The following TMC2 variants were observed in gnomAD, a reference collection of about 807,000 sequenced individuals.
TMC2 encodes transmembrane channel like 2.
TMC2 carries 102 observed loss-of-function variants against 105.9 expected under a neutral mutation model. The ratio of observed to expected loss-of-function variants is 0.96; its 90% CI spans 0.82 to 1.14. The LOEUF is 1.14. Among genes scored for constraint, TMC2 ranks in the 50% most tolerant of loss-of-function variants. The probability of loss-of-function intolerance (pLI) is 0.00; values close to 1 mark genes in which losing one functional copy is unlikely to be tolerated. For missense variants in TMC2, 1,093 were observed against 1,134.3 expected (o/e 0.96, Z 0.52); for synonymous variants, 402 against 422.8 (o/e 0.95, Z 0.60).
At chr20:2,549,263 C>T (rs1192701801) in intron 2 of TMC2, among the ~76,000 whole-genome samples, 2 of 152,050 alleles carry the variant, frequency 1.3e-5, no homozygotes, top group East Asian at 3.9e-4. Flanking sequence ...GCTGTGTTGC[C>T]CAGGATGGTC....
chr20:2,543,196 C>T (rs537854188), intron 2 of TMC2, among the ~76,000 whole-genome samples: 1 of 152,090 alleles, frequency 6.6e-6, no homozygotes, highest in Non-Finnish European at 1.5e-5. Flanking sequence ...AAGATCTTAC[C>T]ACTGCACTCC....
At chr20:2,555,869 T>C (rs772077133) in intron 2 of TMC2, among the ~76,000 whole-genome samples, 1 of 152,214 alleles carries the variant, frequency 6.6e-6, no homozygotes, top group African/African-American at 2.4e-5. Context: ...CTAATTCAAG[T>C]CCACTTTTAA....
At chr20:2,544,400 G>A (rs1303768727) in intron 2 of TMC2, among the ~76,000 whole-genome samples, 1 of 152,100 alleles carries the variant, frequency 6.6e-6, no homozygotes, top group Non-Finnish European at 1.5e-5. Context: ...AGAGTGCCCT[G>A]ACTAAACAAG....
At chr20:2,598,850 G>A (rs1016719314) in intron 10 of TMC2, among the ~76,000 whole-genome samples, 2 of 151,852 alleles carry the variant, frequency 1.3e-5, no homozygotes, top group Non-Finnish European at 2.9e-5. Context: ...GGCATGGGGG[G>A]TTCTGAAAAC....
intron 10 of TMC2, among the ~76,000 whole-genome samples, chr20:2,598,618 G>A (rs1477652169): frequency 6.6e-6 from 1 of 151,782 alleles, no homozygotes; most frequent in East Asian, 1.9e-4. Flanking sequence ...GGTTTCACCA[G>A]GCCAGTCTCA....
At chr20:2,537,145 T>C (rs188258251) in intron 1 of TMC2, 124 bp from the exon 2 acceptor site, 26 of 794,628 alleles carry the variant, frequency 3.3e-5, no homozygotes, top group African/African-American at 3.1e-4. Flanking sequence ...AGTAAAATCA[T>C]TGGAGCTGGG....
intron 2 of TMC2, among the ~76,000 whole-genome samples, chr20:2,543,903 G>T (rs1600093864): frequency 2.1e-5 from 3 of 144,212 alleles, no homozygotes; most frequent in South Asian, 4.3e-4. Context: ...CTGCATGTCA[G>T]TTTTTTTTTT....
chr20:2,639,647 T>C (rs1048945786), intron 19 of TMC2, among the ~76,000 whole-genome samples: 16 of 152,220 alleles, frequency 1.1e-4, no homozygotes, highest in Non-Finnish European at 1.9e-4. Context: ...TGCTATAGTT[T>C]ATATTCTCTG....
At chr20:2,573,780 T>C (rs1431801887) in intron 5 of TMC2, among the ~76,000 whole-genome samples, 5 of 151,702 alleles carry the variant, frequency 3.3e-5, no homozygotes, top group Admixed American at 2.6e-4. Flanking sequence ...CAGGATGGTC[T>C]CGATCTCCTG....
intron 19 of TMC2, among the ~76,000 whole-genome samples, chr20:2,637,981 T>C (rs576914718): frequency 2.6e-5 from 4 of 152,330 alleles, no homozygotes; most frequent in African/African-American, 9.6e-5. Flanking sequence ...GTCAACATTG[T>C]AGCAAAACAC....
chr20:2,594,147 ACT>A (rs2086287513), intron 8 of TMC2, among the ~76,000 whole-genome samples: 2 of 148,430 alleles, frequency 1.3e-5, no homozygotes, highest in African/African-American at 5.0e-5. Flanking sequence ...GCCATCCTTC[ACT>A]CTCAAAGTCA....
At chr20:2,608,342 A>ATTT (rs1555775780) in intron 11 of TMC2, among the ~76,000 whole-genome samples, 13 of 142,456 alleles carry the variant, frequency 9.1e-5, no homozygotes, top group African/African-American at 3.5e-4. Flanking sequence ...TATTATTATT[A>ATTT]TTTGAGATGA....
At chr20:2,603,105 A>T (rs2086363717) in intron 11 of TMC2, among the ~76,000 whole-genome samples, 1 of 152,184 alleles carries the variant, frequency 6.6e-6, no homozygotes, top group African/African-American at 2.4e-5. Flanking sequence ...ATGATGAGAC[A>T]CATGGTCCAG....
intron 6 of TMC2, 138 bp from the exon 7 acceptor site, chr20:2,579,812 T>TGG: frequency 1.7e-6 from 1 of 575,944 alleles, no homozygotes; most frequent in Non-Finnish European, 3.1e-6. Flanking sequence ...AGGTTATTTA[T>TGG]CCAGGAAAAG....
intron 5 of TMC2, among the ~76,000 whole-genome samples, chr20:2,578,029 A>G (rs2086160008): frequency 6.6e-6 from 1 of 152,022 alleles, no homozygotes; most frequent in Non-Finnish European, 1.5e-5. Flanking sequence ...CCTTTTAATA[A>G]TAGGAACCGG....
At chr20:2,565,305 C>G (rs2086055972) in intron 4 of TMC2, among the ~76,000 whole-genome samples, 1 of 152,222 alleles carries the variant, frequency 6.6e-6, no homozygotes. Flanking sequence ...TTATTGTCAC[C>G]ATTTTACTGA....
rs531330628 is a variant in TMC2, at chr20:2,643,526, A to C, written c.*2175A>C. On this transcript the variant is annotated 3_prime_UTR_variant, in exon 20 of 20. Coordinates refer to ENST00000358864, the MANE Select transcript of TMC2 (RefSeq NM_080751.3). ...TATATGTCATCTAATGCTGCATAAC[A>C]AATTATTCCCAAAACATAACAGCCT... is the stretch of plus-strand genomic sequence containing the variant. 4.0e-4 allele frequency among the ~76,000 whole-genome samples: 61 copies of C among 152,374 alleles called. No homozygotes were observed. In the South Asian group the frequency reaches 0.012, roughly 29 times the overall value.
intron 1 of TMC2, 57 bp downstream of exon 1, chr20:2,536,712 G>A: frequency 6.5e-7 from 1 of 1,538,570 alleles, no homozygotes; most frequent in Non-Finnish European, 8.8e-7. Context: ...GGCAGCAGCA[G>A]GGGATGGGGG....
intron 2 of TMC2, among the ~76,000 whole-genome samples, chr20:2,539,392 A>G (rs1472843271): frequency 6.6e-6 from 1 of 152,146 alleles, no homozygotes; most frequent in Admixed American, 6.5e-5. Context: ...TACAGCTCAG[A>G]AAAAAAATTG....
Sources: allele counts gnomAD v4.1 joint callset (sites outside exome capture counted in the v4.1 genomes callset), GRCh38; gene constraint gnomAD v4.1.1; transcripts MANE v1.5; gene names NCBI Gene and HGNC (gene_info 2026-07-23, HGNC 2026-07-21).